Variants in MTCL1 observed in about 807,000 individuals in gnomAD.
The protein encoded by MTCL1 is microtubule crosslinking factor 1.
A neutral mutation model predicts 141.4 loss-of-function variants in MTCL1; 79 were observed. That is an observed-to-expected ratio of 0.56 (90% confidence interval 0.47 to 0.67). MTCL1 has a LOEUF of 0.67. Ranked by LOEUF, MTCL1 falls within the 30% of genes least tolerant of loss-of-function variation. The pLI, the probability that MTCL1 is intolerant of heterozygous loss-of-function variation, is 0.00. For missense variants in MTCL1, 2,177 were observed against 2,113.9 expected, an observed-to-expected ratio of 1.03 and a Z score of -0.59; for synonymous variants, 914 against 875.8, an observed-to-expected ratio of 1.04 and a Z score of -0.77.
At chr18:8,832,080 A>G in exon 17 of MTCL1, 1 of 467,276 alleles carries the variant, frequency 2.1e-6, no homozygotes, top group Non-Finnish European at 3.8e-6. Flanking sequence ...GAAAAGGTAA[A>G]TAAGGTATAA....
chr18:8,784,036 G>C, exon 6 of MTCL1: 1 of 1,613,618 alleles, frequency 6.2e-7, no homozygotes, highest in Admixed American at 1.7e-5. Flanking sequence ...AGCTCAGCAA[G>C]TTTAAGTTTG....
At chr18:8,726,537 ATGC>A (rs1567945437) in intron 4 of MTCL1, among the ~76,000 whole-genome samples, 2,803 of 94,024 alleles carry the variant, frequency 0.03, 65 homozygotes, top group South Asian at 0.044. Flanking sequence ...GCGAGTGCGC[ATGC>A]GCGCGCGCAA....
exon 6 of MTCL1, chr18:8,784,128 A>C: frequency 6.2e-7 from 1 of 1,613,608 alleles, no homozygotes; most frequent in Non-Finnish European, 8.5e-7. Context: ...GAGGAGCTGA[A>C]GTCAGCCAGG....
chr18:8,744,049 G>A (rs2096320664), intron 4 of MTCL1, among the ~76,000 whole-genome samples: 1 of 152,196 alleles, frequency 6.6e-6, no homozygotes, highest in African/African-American at 2.4e-5. Flanking sequence ...CCTTTGAAGT[G>A]GGCATTTTTA....
intron 4 of MTCL1, among the ~76,000 whole-genome samples, chr18:8,752,971 G>A (rs1040547852): frequency 3.3e-5 from 5 of 152,266 alleles, no homozygotes; most frequent in African/African-American, 1.2e-4. Context: ...TCGCCGTATC[G>A]AACATGGCCA....
At chr18:8,809,754 C>T (rs2076419647) in intron 11 of MTCL1, 1 of 790,540 alleles carries the variant, frequency 1.3e-6, no homozygotes, top group Non-Finnish European at 1.9e-6. Flanking sequence ...ATCACTGAGA[C>T]AGGAACGCAG....
At chr18:8,820,278 C>T (rs921206309) in intron 13 of MTCL1, among the ~76,000 whole-genome samples, 47 of 152,036 alleles carry the variant, frequency 3.1e-4, no homozygotes, top group African/African-American at 1.0e-3. Flanking sequence ...GGCGTGGTGG[C>T]GGGTGCCTGT....
upstream of MTCL1, among the ~76,000 whole-genome samples, chr18:8,712,442 G>T (rs75937032): frequency 4.7e-3 from 712 of 152,314 alleles, 3 homozygotes; most frequent in African/African-American, 0.017. Flanking sequence ...GCTCAGTGTG[G>T]CCTGGGGGTG....
intron 4 of MTCL1, among the ~76,000 whole-genome samples, chr18:8,771,698 T>C (rs2096485704): frequency 6.6e-6 from 1 of 152,250 alleles, no homozygotes; most frequent in African/African-American, 2.4e-5. Context: ...CCTAACTTCA[T>C]ATTTTATTTA....
chr18:8,778,017 C>A (rs2096518250), intron 5 of MTCL1, 125 bp downstream of exon 4: 1 of 804,474 alleles, frequency 1.2e-6, no homozygotes, highest in Non-Finnish European at 2.0e-6. Flanking sequence ...TGCCCAAACA[C>A]GTGGACTCAT....
At chr18:8,709,880 T>C (rs887993317) in intron 1 of MTCL1, among the ~76,000 whole-genome samples, 2 of 152,134 alleles carry the variant, frequency 1.3e-5, no homozygotes, top group Non-Finnish European at 2.9e-5. Context: ...TGCTTTGTCG[T>C]GCAGGCTGGA....
intron 4 of MTCL1, among the ~76,000 whole-genome samples, chr18:8,748,601 C>T (rs751040034): frequency 3.9e-5 from 6 of 152,006 alleles, no homozygotes; most frequent in Non-Finnish European, 8.8e-5. Context: ...CACATATACA[C>T]ACATATATAT....
upstream of MTCL1, among the ~76,000 whole-genome samples, chr18:8,713,878 GGTGGCAGTGAGCCATGGCT>G (rs1567924758): frequency 6.6e-6 from 1 of 152,200 alleles, no homozygotes; most frequent in Non-Finnish European, 1.5e-5. Flanking sequence ...AGGAGCTCAA[GGTGGCAGTGAGCCATGGCT>G]GCACCACTGC....
Position 8,706,723 on chromosome 18 carries a change from G to C in MTCL1, c.1053+10G>C, listed in dbSNP as rs1487005878. The C allele has an allele frequency of 3.2e-6, 5 of 1,544,298 alleles. No individual in the cohort carries two copies. Among genetic ancestry groups the C allele is most frequent in the Non-Finnish European group, 4.4e-6 (5 of 1,145,898 alleles). ...GAACGACTATCTCAAGGTGAGCCGC[G>C]CCTCGGCCGCAGGTGTCCCGGGGCG... On this transcript the variant is annotated intron_variant, in intron 1 of 13. Coordinates refer to the MTCL1 transcript ENST00000306329.
intron 7 of MTCL1, among the ~76,000 whole-genome samples, chr18:8,790,755 C>T (rs1175443455): frequency 6.6e-6 from 1 of 152,206 alleles, no homozygotes; most frequent in East Asian, 1.9e-4. Flanking sequence ...TGGCTCACGC[C>T]TGTAATCTCA....
intron 10 of MTCL1, among the ~76,000 whole-genome samples, chr18:8,801,348 C>G (rs2076116125): frequency 6.6e-6 from 1 of 150,732 alleles, no homozygotes; most frequent in African/African-American, 2.4e-5. Flanking sequence ...TTATCTTGAG[C>G]CTAGATGGTA....
At chr18:8,750,360 A>G (rs754837709) in intron 4 of MTCL1, among the ~76,000 whole-genome samples, 23 of 152,162 alleles carry the variant, frequency 1.5e-4, no homozygotes, top group Non-Finnish European at 2.6e-4. Context: ...ATGTCATTTT[A>G]TGTCTTTCCC....
intron 14 of MTCL1, 104 bp from the exon 14 acceptor site, chr18:8,824,595 C>T (rs907644921): frequency 5.6e-5 from 51 of 917,150 alleles, no homozygotes; most frequent in East Asian, 1.3e-4. Flanking sequence ...TGGGTGGCAG[C>T]GGGTGCCTTC....
upstream of MTCL1, among the ~76,000 whole-genome samples, chr18:8,715,280 G>T (rs946777786): frequency 6.6e-6 from 1 of 152,196 alleles, no homozygotes; most frequent in Non-Finnish European, 1.5e-5. Flanking sequence ...GGGCTCTCCA[G>T]TTGCAAAGTC....
Sources: allele counts gnomAD v4.1 joint callset (sites outside exome capture counted in the v4.1 genomes callset), GRCh38; gene constraint gnomAD v4.1.1; transcripts MANE v1.5; gene names NCBI Gene and HGNC (gene_info 2026-07-23, HGNC 2026-07-21).